ITPK1: variants seen among roughly 807,000 people sequenced by gnomAD.
ITPK1 encodes inositol 1,3,4-trisphosphate 5/6-kinase.
A neutral mutation model predicts 45.3 loss-of-function variants in ITPK1; 21 were observed. The ratio of observed to expected loss-of-function variants is 0.46; its 90% CI spans 0.33 to 0.67. ITPK1 has a LOEUF of 0.67. Ranked by LOEUF, ITPK1 falls within the 30% of genes least tolerant of loss-of-function variation. ITPK1 has a pLI of 0.02. For missense variants in ITPK1, 474 were observed against 573.5 expected, an observed-to-expected ratio of 0.83 and a Z score of 1.77; for synonymous variants, 258 against 253.6, an observed-to-expected ratio of 1.02 and a Z score of -0.16.
intron 3 of ITPK1, among the ~76,000 whole-genome samples, chr14:93,059,585 G>A (rs1595177665): frequency 4.7e-5 from 2 of 42,280 alleles, no homozygotes; most frequent in African/African-American, 1.2e-4. Flanking sequence ...ACAAGGCAGG[G>A]GTGGAGGGGG....
chr14:93,001,176 C>T (rs146653943), intron 4 of ITPK1, among the ~76,000 whole-genome samples: 170 of 151,730 alleles, frequency 1.1e-3, no homozygotes, highest in African/African-American at 3.8e-3. Flanking sequence ...GCCTGTAATC[C>T]CAGCTACTCA....
Position 92,937,750 on chromosome 14 carries a change from G to GT in ITPK1, c.*3810dup, listed in dbSNP as rs1228480903. The GT allele has an allele frequency of 6.6e-6, 1 of 152,600 alleles. No individual in the cohort carries two copies. Among genetic ancestry groups the GT allele is most frequent in the Non-Finnish European group, 1.5e-5 (1 of 68,330 alleles). 9.5% of individuals were successfully genotyped at this position (152,600 alleles called of 1,614,324 possible). A position where few individuals can be genotyped will look rare whatever the true frequency, so the allele number is the denominator to read the frequency against. Reference sequence around the variant, plus strand: ...GGGCAGATGACTGTGGCATCGGGGTGTGGCCAGGCTGGCCTGAGGCAGCAG... The same window carrying GT: ...GGGCAGATGACTGTGGCATCGGGGTGTTGGCCAGGCTGGCCTGAGGCAGCAG... On this transcript the variant is annotated 3_prime_UTR_variant, in exon 11 of 11. Coordinates refer to ENST00000267615, the MANE Select transcript of ITPK1 (RefSeq NM_014216.6).
In ITPK1 at chr14:92,962,410, G is replaced by C. The variant is rs1885123342; in HGVS notation, c.464-15C>G. The C allele has an allele frequency of 1.3e-6, 2 of 1,586,932 alleles. No individual in the cohort carries two copies. The highest frequency in any genetic ancestry group is 1.7e-6 in the Non-Finnish European group (2 of 1,155,264). On this transcript the variant is annotated splice_polypyrimidine_tract_variant and intron_variant, in intron 6 of 10. Transcript: ENST00000267615. ...GGTTTTGCAAACTATGGGTTGGGGA[G>C]AGAAAAGCAGAGAGAAATTAGTGAG...
intron 4 of ITPK1, among the ~76,000 whole-genome samples, chr14:92,997,125 A>C (rs947240560): frequency 1.3e-5 from 2 of 152,214 alleles, no homozygotes; most frequent in Non-Finnish European, 2.9e-5. Context: ...CCTTCCTTCC[A>C]AAAGGGGGCC....
intron 2 of ITPK1, among the ~76,000 whole-genome samples, chr14:93,105,164 T>G (rs1892471319): frequency 1.3e-5 from 2 of 152,096 alleles, no homozygotes; most frequent in Non-Finnish European, 1.5e-5. Context: ...GGGGCTCCAG[T>G]GAGGCCTCAG....
intron 3 of ITPK1, among the ~76,000 whole-genome samples, chr14:93,064,718 C>T (rs1890677221): frequency 6.6e-6 from 1 of 152,152 alleles, no homozygotes; most frequent in African/African-American, 2.4e-5. Context: ...GGAAAACAGG[C>T]CTGTGAAAGG....
At chr14:93,098,467 A>AC (rs1444462300) in intron 2 of ITPK1, among the ~76,000 whole-genome samples, 4 of 145,080 alleles carry the variant, frequency 2.8e-5, no homozygotes, top group Non-Finnish European at 4.5e-5. Flanking sequence ...AAAAAAAAAA[A>AC]ACACACAAAA....
rs1887442074 is a variant in ITPK1, at chr14:92,941,902, A to G, written c.904T>C (p.Tyr302His). ...AVIDINAFPG[Y>H]EGVSEFFTDL... ...GTGAAGAACTCGCTCACGCCCTCGTAGCCTGGGGGTGGGAGAGAGACAGCA... is the reference window on the plus strand; with the variant it reads ...GTGAAGAACTCGCTCACGCCCTCGTGGCCTGGGGGTGGGAGAGAGACAGCA... The change falls in exon 11 of 11, where the codon TAC (tyrosine) becomes CAC (histidine). Residue 302 changes from tyrosine (Y) to histidine (H), a missense_variant and splice_region_variant. This residue lies in a region of ITPK1 where 367 missense variants were observed against 480.6 expected (regional missense o/e 0.76). Transcript: ENST00000267615. The G allele has an allele frequency of 1.2e-6, 2 of 1,611,136 alleles. No individual in the cohort carries two copies. Among genetic ancestry groups the G allele is most frequent in the Non-Finnish European group, 8.5e-7 (1 of 1,179,432 alleles).
At chr14:93,089,746 C>T (rs373809605) in intron 2 of ITPK1, among the ~76,000 whole-genome samples, 14 of 152,264 alleles carry the variant, frequency 9.2e-5, no homozygotes, top group South Asian at 4.1e-4. Flanking sequence ...TCTCGGCAGG[C>T]GGGCACAGCC....
chr14:93,113,894 G>A (rs371693564), intron 2 of ITPK1, among the ~76,000 whole-genome samples: 3 of 152,314 alleles, frequency 2.0e-5, no homozygotes, highest in South Asian at 4.1e-4. Flanking sequence ...CTTGCACGGG[G>A]CAAAGGAGCA....
At chr14:93,039,991 G>A (rs1011178682) in intron 3 of ITPK1, among the ~76,000 whole-genome samples, 4 of 152,248 alleles carry the variant, frequency 2.6e-5, no homozygotes, top group South Asian at 2.1e-4. Flanking sequence ...GGGTCAGAGC[G>A]CACACGGGTG....
At chr14:93,029,613 CG>C (rs1888930945) in intron 3 of ITPK1, among the ~76,000 whole-genome samples, 1 of 152,058 alleles carries the variant, frequency 6.6e-6, no homozygotes, top group South Asian at 2.1e-4. Flanking sequence ...TTAGCCAAGC[CG>C]GCAGGCCACA....
intron 3 of ITPK1, among the ~76,000 whole-genome samples, chr14:93,052,340 G>A (rs780804814): frequency 7.2e-5 from 11 of 152,142 alleles, no homozygotes; most frequent in Non-Finnish European, 1.2e-4. Flanking sequence ...GAGGCCAAAG[G>A]CAACAGACTT....
intron 3 of ITPK1, among the ~76,000 whole-genome samples, chr14:93,061,161 T>A (rs1288597854): frequency 2.6e-5 from 4 of 152,146 alleles, no homozygotes; most frequent in Non-Finnish European, 5.9e-5. Flanking sequence ...CCCAAATGAC[T>A]CCTAACCCTC....
intron 5 of ITPK1, among the ~76,000 whole-genome samples, chr14:92,987,804 G>T (rs1043760380): frequency 6.6e-6 from 1 of 152,154 alleles, no homozygotes; most frequent in Non-Finnish European, 1.5e-5. Context: ...ACATGCTCTG[G>T]GGCACCATTT....
chr14:93,103,085 G>A (rs1164385631), intron 2 of ITPK1, among the ~76,000 whole-genome samples: 3 of 119,016 alleles, frequency 2.5e-5, no homozygotes, highest in Admixed American at 1.0e-4. Context: ...GGGCGACAAA[G>A]CAAGACTCCA....
At chr14:92,979,978 C>T (rs1445400068) in intron 5 of ITPK1, among the ~76,000 whole-genome samples, 1 of 151,956 alleles carries the variant, frequency 6.6e-6, no homozygotes, top group African/African-American at 2.4e-5. Context: ...ACGGGGTTTT[C>T]CCATGTTGGC....
intron 2 of ITPK1, among the ~76,000 whole-genome samples, chr14:93,079,566 G>A (rs1381594251): frequency 6.6e-6 from 1 of 152,214 alleles, no homozygotes; most frequent in Non-Finnish European, 1.5e-5. Context: ...GGGCCTCAGT[G>A]CAATGGAAGG....
chr14:93,020,410 T>C (rs1033277614), intron 3 of ITPK1, among the ~76,000 whole-genome samples: 2 of 152,222 alleles, frequency 1.3e-5, no homozygotes, highest in African/African-American at 4.8e-5. Context: ...CACTGAGCTG[T>C]GTGGTACCTC....
Sources: gnomAD v4.1 joint callset for allele counts (sites outside exome capture counted in the v4.1 genomes callset) on GRCh38, gnomAD v4.1.1 for gene constraint, gnomAD v4.1.1 regional missense constraint, MANE v1.5 for transcripts, NCBI Gene and HGNC (gene_info 2026-07-23, HGNC 2026-07-21) for gene names.